The following RANBP10 variants were observed in gnomAD, a reference collection of about 807,000 sequenced individuals.
The protein encoded by RANBP10 is ran-binding protein 10.
Under a neutral mutation model 72.8 loss-of-function variants are expected in RANBP10, and 24 were observed. The ratio of observed to expected loss-of-function variants is 0.33; its 90% CI spans 0.24 to 0.46. RANBP10 has a LOEUF of 0.46. Ranked by LOEUF, RANBP10 falls within the 20% of genes least tolerant of loss-of-function variation. The pLI, the probability that RANBP10 is intolerant of heterozygous loss-of-function variation, is 1.00. For synonymous variants in RANBP10, 310 were observed against 322.3 expected (o/e 0.96, Z 0.41); for missense variants, 679 against 817.5 (o/e 0.83, Z 2.07).
chr16:67,743,788 CTTTTTCAATGT>C (rs1489773589), intron 4 of RANBP10, among the ~76,000 whole-genome samples: 1 of 152,132 alleles, frequency 6.6e-6, no homozygotes. Context: ...CACCAGAAGC[CTTTTTCAATGT>C]AACTGCCCCG....
intron 2 of RANBP10, among the ~76,000 whole-genome samples, chr16:67,783,410 C>A (rs1464265125): frequency 6.6e-6 from 1 of 152,120 alleles, no homozygotes; most frequent in Non-Finnish European, 1.5e-5. Flanking sequence ...CACAGAGAAC[C>A]CCTTTGGCAA....
At chr16:67,726,670 G>A (rs2053607987) in intron 13 of RANBP10, 112 bp from the exon 14 acceptor site, 2 of 1,295,506 alleles carry the variant, frequency 1.5e-6, no homozygotes, top group South Asian at 3.0e-5. Flanking sequence ...TTGGAACAGA[G>A]TGTTCAGTAC....
chr16:67,803,830 TAAAAA>T (rs1186108487), intron 2 of RANBP10, among the ~76,000 whole-genome samples: 1 of 91,602 alleles, frequency 1.1e-5, no homozygotes, highest in Non-Finnish European at 2.3e-5. Context: ...CCCATCTCAT[TAAAAA>T]AAAAAAAAAA....
At chr16:67,806,231 C>A in intron 1 of RANBP10, 71 bp downstream of exon 1, 1 of 1,396,794 alleles carries the variant, frequency 7.2e-7, no homozygotes, top group South Asian at 1.4e-5. Flanking sequence ...GGTGATAGGG[C>A]GGGGGCCTGG....
chr16:67,793,381 G>C (rs969647995), intron 2 of RANBP10, among the ~76,000 whole-genome samples: 4 of 150,044 alleles, frequency 2.7e-5, no homozygotes, highest in Non-Finnish European at 4.4e-5. Flanking sequence ...GCACGACCAC[G>C]GCTCATTGCA....
At chr16:67,757,645 G>A (rs2054311943) in intron 3 of RANBP10, among the ~76,000 whole-genome samples, 1 of 152,186 alleles carries the variant, frequency 6.6e-6, no homozygotes, top group South Asian at 2.1e-4. Context: ...AAAAAATCTG[G>A]CAGGACCCAC....
chr16:67,799,879 TTGGGAGGC>T (rs1291681513), intron 2 of RANBP10, among the ~76,000 whole-genome samples: 1 of 151,876 alleles, frequency 6.6e-6, no homozygotes, highest in Non-Finnish European at 1.5e-5. Flanking sequence ...TCCTAGCACT[TTGGGAGGC>T]TGAGGAGGGC....
intron 6 of RANBP10, among the ~76,000 whole-genome samples, chr16:67,732,423 A>ACATG (rs762049335): frequency 1.1e-3 from 175 of 152,290 alleles, no homozygotes; most frequent in Middle Eastern, 6.8e-3. Context: ...CTTGGTGTGT[A>ACATG]CATGTGTCTG....
At chr16:67,791,637 A>T (rs2055030370) in intron 2 of RANBP10, among the ~76,000 whole-genome samples, 1 of 151,996 alleles carries the variant, frequency 6.6e-6, no homozygotes. Flanking sequence ...CAGGAATCTC[A>T]CTGGACAGTT....
chr16:67,753,146 T>G (rs2054227298), intron 3 of RANBP10, among the ~76,000 whole-genome samples: 1 of 148,850 alleles, frequency 6.7e-6, no homozygotes, highest in African/African-American at 2.5e-5. Flanking sequence ...GAGGCTAAGT[T>G]GGGAAGATTG....
intron 4 of RANBP10, chr16:67,739,953 G>C (rs2053934488): frequency 6.6e-6 from 1 of 152,072 alleles, no homozygotes; most frequent in Non-Finnish European, 1.5e-5. Flanking sequence ...CTCAGGACCA[G>C]TGGAGGCTCT....
intron 4 of RANBP10, among the ~76,000 whole-genome samples, chr16:67,741,335 G>C (rs572976252): frequency 2.6e-5 from 4 of 152,292 alleles, no homozygotes; most frequent in Admixed American, 2.6e-4. Context: ...GGAGAATGAG[G>C]AAAGACGCTA....
chr16:67,784,433 G>T (rs1028982405), intron 2 of RANBP10, among the ~76,000 whole-genome samples: 3 of 152,308 alleles, frequency 2.0e-5, no homozygotes, highest in African/African-American at 7.2e-5. Context: ...AAGGCGGGAG[G>T]ATCACCTGAG....
At position 67,727,759 on chromosome 16, in the gene RANBP10, T is replaced by A; in HGVS notation, c.1612A>T (p.Met538Leu). 6.2e-7 allele frequency: 1 copy of A among 1,614,142 alleles called. No homozygotes were observed. Among genetic ancestry groups the A allele is most frequent in the Non-Finnish European group, 8.5e-7 (1 of 1,180,026 alleles). Residue 538 changes from methionine (M) to leucine (L), a missense_variant, in exon 12 of 14, where the codon ATG becomes TTG. Met to Leu is a conservative substitution (Grantham distance 15). Transcript: ENST00000317506. ...EYGKNLAHTEMLQDAFSLLAY... is the reference protein window; with the variant it reads ...EYGKNLAHTELLQDAFSLLAY... ...CCCGGCTCATCCTGTACCTGCAGCA[T>A]CTCTGTGTGGGCCAAATTCTTGCCG...
At chr16:67,752,295 T>C (rs1157235118) in intron 3 of RANBP10, among the ~76,000 whole-genome samples, 4 of 152,196 alleles carry the variant, frequency 2.6e-5, no homozygotes, top group Non-Finnish European at 1.5e-5. Flanking sequence ...CACAGGGTTC[T>C]TTATGAAATG....
intron 2 of RANBP10, among the ~76,000 whole-genome samples, chr16:67,789,376 G>A (rs1322554784): frequency 6.6e-6 from 1 of 151,628 alleles, no homozygotes; most frequent in Non-Finnish European, 1.5e-5. Context: ...TACTCAGGAG[G>A]CTGTGGCTAG....
intron 3 of RANBP10, among the ~76,000 whole-genome samples, chr16:67,768,712 T>G (rs975748048): frequency 6.6e-6 from 1 of 152,090 alleles, no homozygotes; most frequent in African/African-American, 2.4e-5. Context: ...TGAGACCCTG[T>G]CTTTAAATAA....
chr16:67,754,402 G>A (rs756362489), intron 3 of RANBP10, among the ~76,000 whole-genome samples: 7 of 152,158 alleles, frequency 4.6e-5, no homozygotes, highest in Non-Finnish European at 1.0e-4. Context: ...ACATACAATG[G>A]TTTTCTGTTT....
intron 3 of RANBP10, among the ~76,000 whole-genome samples, chr16:67,765,397 G>A (rs922729126): frequency 1.3e-5 from 2 of 151,104 alleles, no homozygotes; most frequent in Admixed American, 6.6e-5. Flanking sequence ...GTGGTGGTGC[G>A]TGCTTGTAAT....
Sources: allele counts gnomAD v4.1 joint callset (sites outside exome capture counted in the v4.1 genomes callset), GRCh38; gene constraint gnomAD v4.1.1; transcripts MANE v1.5; gene names NCBI Gene and HGNC (gene_info 2026-07-23, HGNC 2026-07-21).